ADAMTS20: variants seen among roughly 807,000 people sequenced by gnomAD.
The protein encoded by ADAMTS20 is A disintegrin and metalloproteinase with thrombospondin motifs 20.
A neutral mutation model predicts 260.1 loss-of-function variants in ADAMTS20; 225 were observed. That is an observed-to-expected ratio of 0.87 (90% CI 0.78 to 0.97). The LOEUF (loss-of-function observed/expected upper bound fraction) is 0.97. Ranked by LOEUF, ADAMTS20 falls within the 50% of genes least tolerant of loss-of-function variation. The probability of loss-of-function intolerance (pLI) is 0.00; values close to 1 mark genes in which losing one functional copy is unlikely to be tolerated. For missense variants in ADAMTS20, 2,400 were observed against 2,337.7 expected, an observed-to-expected ratio of 1.03 and a Z score of -0.55; for synonymous variants, 802 against 769.5, an observed-to-expected ratio of 1.04 and a Z score of -0.70.
chr12:43,376,146 A>T lies in ADAMTS20; in HGVS notation c.5223T>A (p.Ile1741=). The T allele has an allele frequency of 6.3e-7, 1 of 1,594,936 alleles. No homozygotes were observed. Among genetic ancestry groups the T allele is most frequent in the Non-Finnish European group, 8.5e-7 (1 of 1,172,262 alleles). The change falls in exon 35 of 39, where the codon ATT becomes ATA. Residue 1741 remains isoleucine, a splice_region_variant and synonymous_variant. Coordinates refer to ENST00000389420, the MANE Select transcript of ADAMTS20 (RefSeq NM_025003.5). ...YLNIKGRIIK[I]YCADMYLENP... is the part of the protein sequence containing the mutation. Reference sequence around the variant, plus strand: ...TCTCCAAGTACATGTCTGCACAATAAATCTAAAGAAAAAATGTAAACATCT... The same window carrying T: ...TCTCCAAGTACATGTCTGCACAATATATCTAAAGAAAAAATGTAAACATCT...
At chr12:43,441,046 T>C (rs1411426957) in intron 16 of ADAMTS20, among the ~76,000 whole-genome samples, 7 of 149,114 alleles carry the variant, frequency 4.7e-5, no homozygotes, top group East Asian at 2.0e-4. Context: ...GCATGGGAGA[T>C]TGAGGGAGAC....
chr12:43,493,351 C>T, intron 4 of ADAMTS20, 98 bp from the exon 5 acceptor site: 2 of 816,954 alleles, frequency 2.4e-6, no homozygotes, highest in Non-Finnish European at 3.9e-6. Flanking sequence ...TCTAATTGCA[C>T]TGCACGTAGG....
chr12:43,442,173 C>G (rs181955819), intron 16 of ADAMTS20, among the ~76,000 whole-genome samples: 7 of 151,988 alleles, frequency 4.6e-5, no homozygotes, highest in African/African-American at 1.7e-4. Context: ...CATCACATGT[C>G]TATTTTACTC....
In ADAMTS20 at chr12:43,383,843, G is replaced by A; in HGVS notation, c.4587C>T (p.Asp1529=). The A allele has an allele frequency of 6.2e-7, 1 of 1,613,896 alleles. No homozygotes were observed. The highest frequency in any genetic ancestry group is 1.3e-5 in the African/African-American group (1 of 75,026). The change falls in exon 30 of 39, where the codon GAC becomes GAT. Residue 1529 remains aspartate (D), a synonymous_variant. Transcript: ENST00000389420. The part of the protein sequence containing the change: ...PCSQRRCWSQ[D]CVQHKGMERG... ...TTTCCATCCCCTTGTGCTGCACACA[G>A]TCCTGACTCCAACATCGCCTCTGAG...
At chr12:43,460,759 G>A (rs1942044636) in intron 11 of ADAMTS20, among the ~76,000 whole-genome samples, 1 of 151,680 alleles carries the variant, frequency 6.6e-6, no homozygotes, top group South Asian at 2.1e-4. Context: ...GGAATGAACT[G>A]CTAATGCACA....
chr12:43,412,139 C>A lies in ADAMTS20; in HGVS notation c.4285-12906G>T, dbSNP rs1237263582. On this transcript the variant is annotated intron_variant, in intron 28 of 38. Coordinates refer to ENST00000389420, the MANE Select transcript of ADAMTS20 (RefSeq NM_025003.5). ...GCTATGTAGGAAAAAACCACAGGAG[C>A]AAACTTGTATATACAGAGTTAATCA... 7.9e-5 allele frequency among the ~76,000 whole-genome samples: 12 copies of A among 152,298 alleles called. No individual in the cohort carries two copies. In the East Asian group the frequency reaches 1.5e-3, roughly 20 times the overall value.
chr12:43,526,452 C>T (rs908882711), intron 3 of ADAMTS20, among the ~76,000 whole-genome samples: 2 of 151,476 alleles, frequency 1.3e-5, no homozygotes, highest in African/African-American at 2.4e-5. Flanking sequence ...AGCAATACTC[C>T]GTCTCAAAAA....
chr12:43,526,273 G>A (rs1943141207), intron 3 of ADAMTS20, among the ~76,000 whole-genome samples: 1 of 152,166 alleles, frequency 6.6e-6, no homozygotes, highest in Non-Finnish European at 1.5e-5. Context: ...GGCTAACACA[G>A]TGAAACCCCG....
intron 7 of ADAMTS20, among the ~76,000 whole-genome samples, chr12:43,488,125 T>C (rs1226853747): frequency 6.6e-6 from 1 of 152,128 alleles, no homozygotes; most frequent in Non-Finnish European, 1.5e-5. Flanking sequence ...ACAACTGATT[T>C]TTTAGAGTGG....
chr12:43,394,693 T>A (rs747411409), intron 29 of ADAMTS20, among the ~76,000 whole-genome samples: 1 of 152,052 alleles, frequency 6.6e-6, no homozygotes, highest in Non-Finnish European at 1.5e-5. Context: ...AAAGGGGCAA[T>A]AATTTGCTAA....
At chr12:43,397,552 GACTA>G (rs934001168) in intron 29 of ADAMTS20, among the ~76,000 whole-genome samples, 1 of 152,174 alleles carries the variant, frequency 6.6e-6, no homozygotes, top group African/African-American at 2.4e-5. Context: ...CCTGTTGAGT[GACTA>G]ACTATGGAGG....
At chr12:43,459,170 C>T (rs1340810758) in intron 11 of ADAMTS20, among the ~76,000 whole-genome samples, 1 of 152,174 alleles carries the variant, frequency 6.6e-6, no homozygotes, top group African/African-American at 2.4e-5. Context: ...CACTTGCCGC[C>T]TACCACTGCT....
intron 7 of ADAMTS20, among the ~76,000 whole-genome samples, chr12:43,476,752 A>C (rs1385398534): frequency 7.2e-6 from 1 of 139,536 alleles, no homozygotes; most frequent in African/African-American, 2.7e-5. Flanking sequence ...AGAACAAAAA[A>C]CCAAACACCG....
chr12:43,370,243 A>G (rs1008612150), intron 36 of ADAMTS20, among the ~76,000 whole-genome samples: 7 of 152,192 alleles, frequency 4.6e-5, no homozygotes, highest in Non-Finnish European at 1.0e-4. Flanking sequence ...GAAGCTCTCC[A>G]TGGTTTACCA....
intron 3 of ADAMTS20, among the ~76,000 whole-genome samples, chr12:43,515,741 T>C (rs1245703652): frequency 6.6e-6 from 1 of 152,206 alleles, no homozygotes; most frequent in Non-Finnish European, 1.5e-5. Flanking sequence ...ATGTTGATTA[T>C]GGAATCAGTT....
intron 16 of ADAMTS20, among the ~76,000 whole-genome samples, chr12:43,442,037 T>C (rs1013497525): frequency 1.3e-5 from 2 of 152,204 alleles, no homozygotes; most frequent in Non-Finnish European, 2.9e-5. Flanking sequence ...TAAGGGATTA[T>C]TGGTTATGTT....
chr12:43,504,878 C>A (rs1239805860), intron 3 of ADAMTS20, among the ~76,000 whole-genome samples: 1 of 152,090 alleles, frequency 6.6e-6, no homozygotes, highest in East Asian at 1.9e-4. Flanking sequence ...AGCAATAATA[C>A]CTACTGGTAC....
chr12:43,414,026 G>A (rs1053416727), intron 28 of ADAMTS20, among the ~76,000 whole-genome samples: 2 of 151,730 alleles, frequency 1.3e-5, no homozygotes, highest in Admixed American at 6.6e-5. Flanking sequence ...CATATCTATT[G>A]GTGTCTAACA....
At chr12:43,408,268 G>A (rs889645386) in intron 28 of ADAMTS20, among the ~76,000 whole-genome samples, 8 of 152,098 alleles carry the variant, frequency 5.3e-5, no homozygotes, top group African/African-American at 1.4e-4. Flanking sequence ...AAGCATGACC[G>A]TCTGCCTTCC....
Sources: allele counts gnomAD v4.1 joint callset (sites outside exome capture counted in the v4.1 genomes callset), GRCh38; gene constraint gnomAD v4.1.1; transcripts MANE v1.5; gene names NCBI Gene and HGNC (gene_info 2026-07-23, HGNC 2026-07-21).